The following GLIS1 variants were observed in gnomAD, a reference collection of about 807,000 sequenced individuals.
GLIS1 encodes GLIS family zinc finger 1.
A neutral mutation model predicts 63.8 loss-of-function variants in GLIS1; 24 were observed. The observed-to-expected ratio is 0.38, with a 90% CI of 0.27 to 0.53. GLIS1 has a LOEUF of 0.53. GLIS1 is among the 20% of genes least tolerant of loss of function. The probability of loss-of-function intolerance (pLI) is 0.85; values close to 1 mark genes in which losing one functional copy is unlikely to be tolerated. For synonymous variants in GLIS1, 450 were observed against 482.5 expected, an observed-to-expected ratio of 0.93 and a Z score of 0.88; for missense variants, 1,036 against 1,074.1, an observed-to-expected ratio of 0.96 and a Z score of 0.50.
chr1:53,684,204 CT>C (rs1646306250), intron 2 of GLIS1, among the ~76,000 whole-genome samples: 1 of 152,130 alleles, frequency 6.6e-6, no homozygotes, highest in Non-Finnish European at 1.5e-5. Flanking sequence ...CCCAAGATCT[CT>C]GCAGTCCAGC....
intron 2 of GLIS1, among the ~76,000 whole-genome samples, chr1:53,713,101 G>A (rs1646662269): frequency 6.6e-6 from 1 of 152,238 alleles, no homozygotes; most frequent in Non-Finnish European, 1.5e-5. Flanking sequence ...TATAAACGGA[G>A]ACAGAGACAT....
In GLIS1 at chr1:53,632,669, G is replaced by A. The variant is rs192425511; in HGVS notation, c.260-32391C>T. ...GAGGGGCATGTGAATGAGACTGAGG[G>A]GTGTGTGAATGAGTGTGAATGAGAC... is the stretch of plus-strand genomic sequence containing the variant. On this transcript the variant is annotated intron_variant, in intron 2 of 10. Transcript: ENST00000628545. 2.0e-4 allele frequency among the ~76,000 whole-genome samples: 30 copies of A among 149,498 alleles called. No individual in the cohort carries two copies. The East Asian group carries it at 5.5e-3, about 27-fold the overall frequency.
intron 6 of GLIS1, among the ~76,000 whole-genome samples, chr1:53,523,600 C>T (rs961386530): frequency 2.6e-5 from 4 of 152,176 alleles, no homozygotes; most frequent in African/African-American, 7.2e-5. Context: ...CTTTCACTCC[C>T]ACACCCTCCC....
chr1:53,599,602 G>A (rs1000671916), intron 3 of GLIS1, among the ~76,000 whole-genome samples: 5 of 152,256 alleles, frequency 3.3e-5, no homozygotes, highest in African/African-American at 1.2e-4. Context: ...GACCCCAGGA[G>A]AAGCTGTAGG....
At chr1:53,577,209 T>A (rs1167478286) in intron 4 of GLIS1, among the ~76,000 whole-genome samples, 1 of 149,968 alleles carries the variant, frequency 6.7e-6, no homozygotes, top group African/African-American at 2.5e-5. Flanking sequence ...GACTTGCGCA[T>A]CCCCTACCCC....
At chr1:53,533,250 G>A (rs76511903) in intron 4 of GLIS1, among the ~76,000 whole-genome samples, 2,007 of 152,306 alleles carry the variant, frequency 0.013, 26 homozygotes, top group Non-Finnish European at 0.023. Flanking sequence ...TCCCTGCACA[G>A]CCATGGCCTT....
At chr1:53,666,192 GT>G (rs1239506279) in intron 2 of GLIS1, among the ~76,000 whole-genome samples, 1 of 152,196 alleles carries the variant, frequency 6.6e-6, no homozygotes, top group African/African-American at 2.4e-5. Context: ...TGAACATACA[GT>G]CACCTGTTAA....
intron 2 of GLIS1, among the ~76,000 whole-genome samples, chr1:53,636,772 T>C (rs1007316328): frequency 1.3e-5 from 2 of 152,310 alleles, no homozygotes; most frequent in African/African-American, 4.8e-5. Flanking sequence ...TACTGGGCCT[T>C]CTGGGAGCCC....
chr1:53,559,095 G>A (rs1324180316), intron 4 of GLIS1, among the ~76,000 whole-genome samples: 1 of 152,240 alleles, frequency 6.6e-6, no homozygotes, highest in East Asian at 1.9e-4. Context: ...AAAGGCCTGG[G>A]ATGCTTTGTG....
chr1:53,704,374 G>A (rs1646554331), intron 2 of GLIS1, among the ~76,000 whole-genome samples: 1 of 152,250 alleles, frequency 6.6e-6, no homozygotes, highest in Non-Finnish European at 1.5e-5. Context: ...AGGGCAAAGA[G>A]AGGGGAAGTA....
intron 4 of GLIS1, among the ~76,000 whole-genome samples, chr1:53,584,897 T>G (rs1645119814): frequency 1.3e-5 from 2 of 152,192 alleles, no homozygotes; most frequent in South Asian, 4.1e-4. Context: ...AAATTCTCAG[T>G]TACGAAGTTT....
intron 3 of GLIS1, among the ~76,000 whole-genome samples, chr1:53,599,444 A>C (rs1645293606): frequency 2.0e-5 from 3 of 152,354 alleles, no homozygotes; most frequent in Middle Eastern, 3.4e-3. Context: ...TCCAGCCAGC[A>C]AGAAGGGCCT....
At chr1:53,633,489 G>C (rs539623738) in intron 2 of GLIS1, among the ~76,000 whole-genome samples, 10 of 151,370 alleles carry the variant, frequency 6.6e-5, no homozygotes, top group South Asian at 2.1e-4. Context: ...GTGTGAATGA[G>C]TGTGGCTGAG....
chr1:53,566,571 T>A (rs1644938214), intron 4 of GLIS1, among the ~76,000 whole-genome samples: 1 of 152,208 alleles, frequency 6.6e-6, no homozygotes, highest in African/African-American at 2.4e-5. Flanking sequence ...ATGACAAACC[T>A]CTGATTAAAG....
At chr1:53,543,472 G>A (rs1372112729) in intron 4 of GLIS1, among the ~76,000 whole-genome samples, 3 of 151,910 alleles carry the variant, frequency 2.0e-5, no homozygotes, top group African/African-American at 4.8e-5. Context: ...CAGTGGGAAT[G>A]GAGCCAGGGT....
chr1:53,544,180 C>T (rs1343175875), intron 4 of GLIS1, among the ~76,000 whole-genome samples: 2 of 152,220 alleles, frequency 1.3e-5, no homozygotes, highest in African/African-American at 4.8e-5. Context: ...GAAAAGGATG[C>T]CATTGTGCTG....
chr1:53,732,125 G>A (rs896348363), intron 2 of GLIS1, among the ~76,000 whole-genome samples: 5 of 152,200 alleles, frequency 3.3e-5, no homozygotes, highest in Non-Finnish European at 7.3e-5. Flanking sequence ...TCTTCTCAGC[G>A]CATCTGACTC....
At chr1:53,707,170 T>C (rs1467760004) in intron 2 of GLIS1, among the ~76,000 whole-genome samples, 1 of 152,080 alleles carries the variant, frequency 6.6e-6, no homozygotes, top group African/African-American at 2.4e-5. Context: ...TTTGAAGCCC[T>C]GAAATGGAGA....
chr1:53,709,787 T>C (rs992801576), intron 2 of GLIS1, among the ~76,000 whole-genome samples: 1 of 152,086 alleles, frequency 6.6e-6, no homozygotes, highest in African/African-American at 2.4e-5. Flanking sequence ...ATGACAGGCA[T>C]GGCACAGGTC....
Sources: allele counts gnomAD v4.1 joint callset (sites outside exome capture counted in the v4.1 genomes callset), GRCh38; gene constraint gnomAD v4.1.1; transcripts MANE v1.5; gene names NCBI Gene and HGNC (gene_info 2026-07-23, HGNC 2026-07-21).